Variants in MORC4 observed in about 807,000 individuals in gnomAD.
The protein encoded by MORC4 is MORC family CW-type zinc finger protein 4.
In MORC4, 22 loss-of-function variants were observed where a neutral mutation model predicts 65.5. The ratio of observed to expected loss-of-function variants is 0.34; its 90% CI spans 0.24 to 0.48. MORC4 has a LOEUF of 0.48. MORC4 is among the 20% of genes least tolerant of loss of function. The pLI is 0.99. For synonymous variants in MORC4, 267 were observed against 255.8 expected, an observed-to-expected ratio of 1.04 and a Z score of -0.42; for missense variants, 624 against 703.0, an observed-to-expected ratio of 0.89 and a Z score of 1.27.
intron 13 of MORC4, 124 bp from the exon 14 acceptor site, chrX:106,955,212 A>G: frequency 3.9e-6 from 2 of 510,787 alleles, no homozygotes; most frequent in Non-Finnish European, 6.3e-6. Context: ...TTCCTACACA[A>G]AACAAACAGT....
At chrX:106,956,067 A>G (rs36078819) in intron 13 of MORC4, among the ~76,000 whole-genome samples, 4 of 111,089 alleles carry the variant, frequency 3.6e-5, no homozygotes, top group African/African-American at 1.3e-4. Context: ...AAGCAGGGAT[A>G]GGGGAGGAGT....
intron 11 of MORC4, among the ~76,000 whole-genome samples, chrX:106,958,076 G>T (rs1355340700): frequency 8.9e-6 from 1 of 112,050 alleles, no homozygotes; most frequent in Non-Finnish European, 1.9e-5. Context: ...TTGCAAGCAA[G>T]AGGAATGACA....
At chrX:106,964,373 A>T (rs1934324640) in intron 9 of MORC4, among the ~76,000 whole-genome samples, 1 of 111,965 alleles carries the variant, frequency 8.9e-6, no homozygotes, top group Non-Finnish European at 1.9e-5. Flanking sequence ...AAGTGAACAA[A>T]AACTAAGGGA....
intron 3 of MORC4, among the ~76,000 whole-genome samples, chrX:106,988,922 C>T (rs914249466): frequency 4.5e-5 from 5 of 111,418 alleles, no homozygotes; most frequent in Non-Finnish European, 9.4e-5. Flanking sequence ...ACGTGTTTAC[C>T]TATGTAACAA....
intron 9 of MORC4, among the ~76,000 whole-genome samples, chrX:106,968,847 C>G (rs112992711): frequency 0.16 from 18,043 of 109,464 alleles, 1,600 homozygotes; most frequent in East Asian, 0.54. Context: ...TTTTGGAGAC[C>G]TACAAAGAGA....
At position 106,955,042 on chromosome X, in the gene MORC4, C is replaced by T. The variant is rs961751082; in HGVS notation, c.1556G>A (p.Gly519Glu). 21 of 1,204,346 alleles carry T rather than the reference C, an allele frequency of 1.7e-5. No individual in the cohort carries two copies. Among genetic ancestry groups the T allele is most frequent in the Non-Finnish European group, 2.2e-5 (20 of 891,602 alleles). ...PKILTVQEMA[G>E]LNNKTIGYEG... is the part of the protein sequence containing the mutation. The stretch of plus-strand genomic sequence containing the variant: ...ATATCCAATTGTCTTGTTATTCAAT[C>T]CAGCCATTTCTTGAACAGTAAGGAT... Residue 519 changes from glycine (G) to glutamate (E), a missense_variant, in exon 14 of 17, where the codon GGA (glycine) becomes GAA (glutamate). Transcript: ENST00000355610.
intron 7 of MORC4, among the ~76,000 whole-genome samples, chrX:106,979,046 G>C (rs1934686053): frequency 1.8e-5 from 2 of 111,528 alleles, no homozygotes; most frequent in African/African-American, 6.5e-5. Flanking sequence ...AGGGGAGATA[G>C]AGAAACTGAG....
chrX:106,954,792 A>G, intron 14 of MORC4, 121 bp downstream of exon 14: 1 of 631,530 alleles, frequency 1.6e-6, no homozygotes, highest in Non-Finnish European at 2.5e-6. Context: ...TTGTGTTTCT[A>G]CTTCTGAATT....
chrX:106,963,584 C>T (rs181265263), intron 9 of MORC4, among the ~76,000 whole-genome samples: 288 of 111,653 alleles, frequency 2.6e-3, no homozygotes, highest in African/African-American at 8.9e-3. Context: ...AGGCAAGAGA[C>T]CATTGTTGTT....
intron 3 of MORC4, 144 bp from the exon 4 acceptor site, chrX:106,986,344 T>C: frequency 2.2e-6 from 1 of 461,837 alleles, no homozygotes; most frequent in African/African-American, 2.4e-5. Flanking sequence ...CCTTTTGGTA[T>C]TTATGGGCAA....
chrX:106,993,508 G>A (rs1297278766), intron 2 of MORC4, 146 bp from the exon 3 acceptor site: 2 of 493,791 alleles, frequency 4.1e-6, no homozygotes, highest in Non-Finnish European at 6.3e-6. Context: ...ATTAACGGTA[G>A]TGCACTTACT....
chrX:106,975,221 G>T (rs1934598476), intron 9 of MORC4, among the ~76,000 whole-genome samples: 1 of 111,607 alleles, frequency 9.0e-6, no homozygotes, highest in Admixed American at 9.6e-5. Context: ...AATTATTTAG[G>T]TAGTCATCAG....
chrX:106,983,518 T>A (rs1419071162), intron 5 of MORC4, among the ~76,000 whole-genome samples: 1 of 112,026 alleles, frequency 8.9e-6, no homozygotes, highest in Admixed American at 9.4e-5. Context: ...CTCTATTTTA[T>A]ATTAAAGGTT....
Position 106,999,905 on chromosome X carries a change from C to T in MORC4, c.65G>A (p.Gly22Asp). Residue 22 changes from glycine (G) to aspartate (D), a missense_variant, in exon 1 of 17, where the codon GGC (glycine) becomes GAC (aspartate). Gly to Asp is a moderately conservative substitution (Grantham distance 94). Coordinates refer to ENST00000355610, the MANE Select transcript of MORC4 (RefSeq NM_024657.5). Reference sequence around the variant, plus strand: ...GATCCCGAAGGCCTGCGGGCCGCCGCCGGGCCGGGCCAGCCCGCAGCCCGG... The same window carrying T: ...GATCCCGAAGGCCTGCGGGCCGCCGTCGGGCCGGGCCAGCCCGCAGCCCGG... ...GAPGCGLARP[G>D]GGPQAFGIRL... 1.2e-6 allele frequency: 1 copy of T among 826,293 alleles called. No individual in the cohort carries two copies. The highest frequency in any genetic ancestry group is 1.5e-6 in the Non-Finnish European group (1 of 686,830). 68.1% of individuals were successfully genotyped at this position (826,293 alleles called of 1,213,427 possible).
chrX:106,978,635 C>A (rs1204382121), intron 7 of MORC4, among the ~76,000 whole-genome samples: 1 of 110,971 alleles, frequency 9.0e-6, no homozygotes, highest in Non-Finnish European at 1.9e-5. Flanking sequence ...CACACACACA[C>A]ACACACATGC....
At chrX:106,945,810 A>G (rs1301254123) in intron 14 of MORC4, among the ~76,000 whole-genome samples, 1 of 111,032 alleles carries the variant, frequency 9.0e-6, no homozygotes, top group East Asian at 2.8e-4. Flanking sequence ...TTCATGGTGT[A>G]TTTTTGGTTT....
chrX:106,999,625 G>A, intron 2 of MORC4, 52 bp downstream of exon 2: 1 of 1,005,189 alleles, frequency 9.9e-7, no homozygotes, highest in Non-Finnish European at 1.3e-6. Context: ...GCGGCACCAC[G>A]CTGGCACCAC....
At chrX:106,971,803 A>T (rs1341561500) in intron 9 of MORC4, among the ~76,000 whole-genome samples, 1 of 112,256 alleles carries the variant, frequency 8.9e-6, no homozygotes, top group African/African-American at 3.2e-5. Context: ...GCGACCATTA[A>T]AAAGTCAGGA....
chrX:106,977,412 A>C (rs1324088579), intron 8 of MORC4, among the ~76,000 whole-genome samples: 5 of 111,840 alleles, frequency 4.5e-5, no homozygotes, highest in Non-Finnish European at 9.5e-5. Context: ...GTGCTTTAGC[A>C]ATCTTATCTG....
Sources: gnomAD v4.1 joint callset for allele counts (sites outside exome capture counted in the v4.1 genomes callset) on GRCh38, gnomAD v4.1.1 for gene constraint, MANE v1.5 for transcripts, NCBI Gene and HGNC (gene_info 2026-07-23, HGNC 2026-07-21) for gene names.